RSRC1: variants seen among roughly 807,000 people sequenced by gnomAD.
RSRC1 encodes the protein arginine and serine rich coiled-coil 1.
A neutral mutation model predicts 49.1 loss-of-function variants in RSRC1; 39 were observed. That is an observed-to-expected ratio of 0.79 (90% CI 0.61 to 1.04). The LOEUF (loss-of-function observed/expected upper bound fraction) is 1.04, where lower values mean the gene tolerates loss of function less well. Ranked by LOEUF, RSRC1 falls within the 50% of genes least tolerant of loss-of-function variation. RSRC1 has a pLI of 0.00. For missense variants in RSRC1, 388 were observed against 402.4 expected, an observed-to-expected ratio of 0.96 and a Z score of 0.31; for synonymous variants, 143 against 130.8, an observed-to-expected ratio of 1.09 and a Z score of -0.63.
chr3:158,166,444 A>G (rs1309662174), intron 3 of RSRC1, among the ~76,000 whole-genome samples: 1 of 152,180 alleles, frequency 6.6e-6, no homozygotes, highest in Admixed American at 6.5e-5. Flanking sequence ...GTTTAAGAAA[A>G]CAGAGGTGAA....
At chr3:158,218,732 G>C (rs1279147106) in intron 4 of RSRC1, among the ~76,000 whole-genome samples, 1 of 151,480 alleles carries the variant, frequency 6.6e-6, no homozygotes, top group Non-Finnish European at 1.5e-5. Context: ...CCTATAAAGG[G>C]GAGGCTGCAG....
chr3:158,519,510 G>A (rs1357069397), intron 7 of RSRC1, among the ~76,000 whole-genome samples: 1 of 151,516 alleles, frequency 6.6e-6, no homozygotes, highest in Admixed American at 6.6e-5. Context: ...CTAGATGGAG[G>A]AAACACCTTC....
At chr3:158,533,878 T>C (rs1712561701) in intron 7 of RSRC1, among the ~76,000 whole-genome samples, 1 of 151,650 alleles carries the variant, frequency 6.6e-6, no homozygotes, top group South Asian at 2.1e-4. Context: ...TCTACTTGTA[T>C]GGGATGTGTT....
chr3:158,436,780 T>G (rs1459925826), intron 6 of RSRC1, among the ~76,000 whole-genome samples: 4 of 152,086 alleles, frequency 2.6e-5, no homozygotes, highest in Middle Eastern at 6.8e-3. Flanking sequence ...TATGCTACCC[T>G]GGGCTATAAT....
chr3:158,316,440 T>G (rs1728457263), intron 5 of RSRC1, among the ~76,000 whole-genome samples: 2 of 20,080 alleles, frequency 1.0e-4, no homozygotes, highest in African/African-American at 6.6e-4. Context: ...AATCTCTCAT[T>G]TTTTTTTTTT....
At chr3:158,518,126 G>GTA (rs1322921127) in intron 7 of RSRC1, among the ~76,000 whole-genome samples, 1,611 of 68,408 alleles carry the variant, frequency 0.024, 62 homozygotes, top group Non-Finnish European at 0.032. Context: ...GTGTGTGTGT[G>GTA]TATATATATA....
At chr3:158,285,134 C>T (rs946988751) in intron 4 of RSRC1, among the ~76,000 whole-genome samples, 1 of 152,100 alleles carries the variant, frequency 6.6e-6, no homozygotes, top group African/African-American at 2.4e-5. Context: ...TTCCCAGCAC[C>T]ATTTATTAAA....
At chr3:158,118,555 G>A (rs1715032644) in intron 1 of RSRC1, among the ~76,000 whole-genome samples, 1 of 151,688 alleles carries the variant, frequency 6.6e-6, no homozygotes, top group Non-Finnish European at 1.5e-5. Flanking sequence ...TTGTTTGCTG[G>A]ATCATCCTGT....
At chr3:158,438,826 A>C (rs1472137764) in intron 6 of RSRC1, among the ~76,000 whole-genome samples, 4 of 152,060 alleles carry the variant, frequency 2.6e-5, no homozygotes, top group South Asian at 2.1e-4. Context: ...AATGGGATCT[A>C]ATTAAACTAA....
At chr3:158,409,978 T>C (rs534611797) in intron 6 of RSRC1, among the ~76,000 whole-genome samples, 4 of 152,116 alleles carry the variant, frequency 2.6e-5, no homozygotes, top group African/African-American at 9.6e-5. Flanking sequence ...TTGATATAAG[T>C]GATAGCATTT....
chr3:158,299,786 T>A (rs1727432268), intron 5 of RSRC1, among the ~76,000 whole-genome samples: 1 of 115,078 alleles, frequency 8.7e-6, no homozygotes, highest in Non-Finnish European at 1.8e-5. Flanking sequence ...TCATTTTCAG[T>A]GACTATTTCA....
At chr3:158,334,584 G>T (rs1243423440) in intron 5 of RSRC1, among the ~76,000 whole-genome samples, 2 of 151,176 alleles carry the variant, frequency 1.3e-5, no homozygotes, top group African/African-American at 4.9e-5. Context: ...TGGTTCAAGG[G>T]ATTCTCCTGC....
intron 4 of RSRC1, among the ~76,000 whole-genome samples, chr3:158,248,030 A>G (rs1387472518): frequency 2.6e-5 from 4 of 152,204 alleles, no homozygotes; most frequent in African/African-American, 9.7e-5. Context: ...TTTCAGTTGA[A>G]GGTGCTATAT....
chr3:158,336,769 C>T (rs1422615985), intron 5 of RSRC1: 1 of 152,178 alleles, frequency 6.6e-6, no homozygotes, highest in Non-Finnish European at 1.5e-5. Flanking sequence ...GACTAGTGGT[C>T]TCTGCTTCAG....
chr3:158,438,421 A>G (rs866438667), intron 6 of RSRC1, among the ~76,000 whole-genome samples: 4 of 152,046 alleles, frequency 2.6e-5, no homozygotes, highest in African/African-American at 9.7e-5. Context: ...TCAAACTATA[A>G]TACAAGGCTA....
intron 6 of RSRC1, among the ~76,000 whole-genome samples, chr3:158,439,345 C>A (rs1736244859): frequency 6.6e-6 from 1 of 152,126 alleles, no homozygotes; most frequent in Non-Finnish European, 1.5e-5. Flanking sequence ...AATCATGCTG[C>A]TATAAAGACA....
intron 7 of RSRC1, among the ~76,000 whole-genome samples, chr3:158,523,391 T>C (rs191962351): frequency 7.9e-5 from 12 of 152,194 alleles, no homozygotes; most frequent in African/African-American, 2.2e-4. Context: ...TAAGACTTAC[T>C]GTATAAAATT....
intron 3 of RSRC1, among the ~76,000 whole-genome samples, chr3:158,131,925 G>A (rs139220452): frequency 1.2e-3 from 177 of 152,198 alleles, no homozygotes; most frequent in African/African-American, 4.1e-3. Flanking sequence ...CTGAACGTAC[G>A]TTGCACACTG....
chr3:158,455,245 A>G (rs1458192579), intron 6 of RSRC1, among the ~76,000 whole-genome samples: 1 of 152,060 alleles, frequency 6.6e-6, no homozygotes, highest in Non-Finnish European at 1.5e-5. Context: ...CAGTATATTC[A>G]TGGTGATGCA....
Sources: allele counts gnomAD v4.1 joint callset (sites outside exome capture counted in the v4.1 genomes callset), GRCh38; gene constraint gnomAD v4.1.1; transcripts MANE v1.5; gene names NCBI Gene and HGNC (gene_info 2026-07-23, HGNC 2026-07-21).